IQGAP2: variants seen among roughly 807,000 people sequenced by gnomAD.
IQGAP2 encodes the protein ras GTPase-activating-like protein IQGAP2.
A neutral mutation model predicts 201.3 loss-of-function variants in IQGAP2; 173 were observed. The ratio of observed to expected loss-of-function variants is 0.86; its 90% CI spans 0.76 to 0.98. IQGAP2 has a LOEUF of 0.98. Ranked by LOEUF, IQGAP2 falls within the 50% of genes least tolerant of loss-of-function variation. IQGAP2 has a pLI of 0.00. For missense variants in IQGAP2, 1,687 were observed against 1,864.8 expected (o/e 0.90, Z 1.76); for synonymous variants, 675 against 673.9 (o/e 1.00, Z -0.03).
Position 76,667,877 on chromosome 5 carries a change from C to CTTTTTTTTT in IQGAP2, c.2680-789_2680-781dup, listed in dbSNP as rs540744402. Among the ~76,000 whole-genome samples, 150 of 123,388 alleles carry CTTTTTTTTT rather than the reference C, an allele frequency of 1.2e-3. 3 individuals carry two copies. The highest frequency in any genetic ancestry group is 1.8e-3 in the Non-Finnish European group (107 of 60,644). The allele number at this position is 123,388 out of a possible 152,430, so 80.9% of individuals were successfully genotyped here. ...TGTAGCCGGGCCCTTAGTCCACTTT[C>CTTTTTTTTT]TTTTTTTTTTTTTTTTTTTTTTTGA... On this transcript the variant is annotated intron_variant, in intron 22 of 35. Transcript: ENST00000274364.
At chr5:76,514,257 C>G (rs1416570378) in intron 2 of IQGAP2, among the ~76,000 whole-genome samples, 1 of 152,010 alleles carries the variant, frequency 6.6e-6, no homozygotes, top group Non-Finnish European at 1.5e-5. Flanking sequence ...CTCCTGACCT[C>G]AAGTGATCTA....
At chr5:76,674,456 T>G in intron 26 of IQGAP2, 21 bp from the exon 27 acceptor site, 2 of 1,463,418 alleles carry the variant, frequency 1.4e-6, no homozygotes, top group South Asian at 2.4e-5. Flanking sequence ...AAAATGGTCA[T>G]GCACTTCTGC....
At chr5:76,597,301 C>T in intron 9 of IQGAP2, 138 bp from the exon 10 acceptor site, 1 of 764,348 alleles carries the variant, frequency 1.3e-6, no homozygotes, top group Non-Finnish European at 2.1e-6. Flanking sequence ...CAAAGCCTTA[C>T]CTACCCTCTG....
intron 5 of IQGAP2, among the ~76,000 whole-genome samples, chr5:76,587,581 A>C (rs1746337506): frequency 6.6e-6 from 1 of 152,186 alleles, no homozygotes; most frequent in African/African-American, 2.4e-5. Flanking sequence ...TTTTCTGTGT[A>C]ATTTTTTAAA....
In IQGAP2 at chr5:76,619,514, C is replaced by CCTTTTTTTTTTT. The variant is rs1561518620; in HGVS notation, c.1522-7896_1522-7895insCTTTTTTTTTTT. ...CAGATCTAACTTAGTTAAGGATCTT[C>CCTTTTTTTTTTT]TTTTTTTTTTTTTTTTTTTTTTGAG... On this transcript the variant is annotated intron_variant, in intron 13 of 35. Transcript: ENST00000274364. Among the ~76,000 whole-genome samples the CCTTTTTTTTTTT allele has an allele frequency of 7.7e-5, 8 of 104,266 alleles. 2 individuals are homozygous for CCTTTTTTTTTTT. Among genetic ancestry groups the CCTTTTTTTTTTT allele is most frequent in the Non-Finnish European group, 7.6e-5 (4 of 52,746 alleles). The allele number at this position is 104,266 out of a possible 152,430, so 68.4% of individuals were successfully genotyped here. A position where few individuals can be genotyped will look rare whatever the true frequency, so the allele number is the denominator to read the frequency against.
rs1199550528 is a variant in IQGAP2 at position 76,707,111 on chromosome 5, C to T, written c.4615-89C>T. ...ACCCAGGTGATTAGGTCAATTGAAT[C>T]TGACTTTTGTCAACAAATTCTTCTA... On this transcript the variant is annotated intron_variant, in intron 35 of 35. Coordinates refer to ENST00000274364, the MANE Select transcript of IQGAP2 (RefSeq NM_006633.5). 5 of 723,800 alleles carry T rather than the reference C, an allele frequency of 6.9e-6. No individual in the cohort carries two copies. In the African/African-American group the frequency reaches 7.1e-5, roughly 10 times the overall value. The allele number at this position is 723,800 out of a possible 1,614,324, so 44.8% of individuals were successfully genotyped here.
chr5:76,623,364 G>T (rs144998296), intron 13 of IQGAP2: 6 of 1,000,314 alleles, frequency 6.0e-6, no homozygotes, highest in Middle Eastern at 2.7e-4. Context: ...CTCCTGTGCC[G>T]TGCAGGCAGG....
chr5:76,445,465 C>CTT (rs33993084), intron 1 of IQGAP2, among the ~76,000 whole-genome samples: 7 of 140,042 alleles, frequency 5.0e-5, no homozygotes, highest in Non-Finnish European at 6.3e-5. Context: ...CCGTTTTAAC[C>CTT]TTTTTTTTTT....
chr5:76,542,258 G>A (rs1281756012), intron 2 of IQGAP2, among the ~76,000 whole-genome samples: 1 of 152,218 alleles, frequency 6.6e-6, no homozygotes, highest in Admixed American at 6.5e-5. Flanking sequence ...ACTGTGCCCG[G>A]CCACTATTTT....
chr5:76,673,415 G>T, intron 24 of IQGAP2, 34 bp from the exon 25 acceptor site: 3 of 1,601,776 alleles, frequency 1.9e-6, no homozygotes, highest in Middle Eastern at 1.7e-4. Flanking sequence ...TTGTACCTAA[G>T]CCTCCAGTTA....
chr5:76,641,845 A>T (rs1024289122), intron 17 of IQGAP2, among the ~76,000 whole-genome samples: 9 of 152,112 alleles, frequency 5.9e-5, no homozygotes, highest in African/African-American at 2.2e-4. Context: ...TAAATTGAAC[A>T]TTTTTCTGTT....
rs145646862 is a variant in IQGAP2, at chr5:76,645,300, C to T, written c.2094+4197C>T. Among the ~76,000 whole-genome samples, 166 of 152,266 alleles carry T rather than the reference C, an allele frequency of 1.1e-3. 1 individual carries two copies. In the East Asian group the frequency reaches 0.024, roughly 22 times the overall value. ...TCCTTTGCTATTGTGAACAGCACTG[C>T]AGTAAACATACTTGTGCATGTGTCT... On this transcript the variant is annotated intron_variant, in intron 17 of 35. Coordinates refer to ENST00000274364, the MANE Select transcript of IQGAP2 (RefSeq NM_006633.5).
Position 76,671,837 on chromosome 5 carries a change from T to C in IQGAP2, c.2922T>C (p.Gly974=). Residue 974 remains glycine (G), a synonymous_variant, in exon 24 of 36, where the codon GGT becomes GGC. Coordinates refer to ENST00000274364, the MANE Select transcript of IQGAP2 (RefSeq NM_006633.5). Reference sequence around the variant, plus strand: ...AGATGGTCGTCAGCTTCAATAGAGGTGCCCGGGGACAGAACACCCTGCGCC... The same window carrying C: ...AGATGGTCGTCAGCTTCAATAGAGGCGCCCGGGGACAGAACACCCTGCGCC... ...VIKMVVSFNR[G]ARGQNTLRQL... is the part of the protein sequence containing the mutation. 1 of 1,613,788 alleles carries C rather than the reference T, an allele frequency of 6.2e-7. No individual in the cohort carries two copies. The highest frequency in any genetic ancestry group is 8.5e-7 in the Non-Finnish European group (1 of 1,179,936).
Position 76,406,977 on chromosome 5 carries a change from CATT to C in IQGAP2, c.46+3396_46+3398del, listed in dbSNP as rs528909678. Among the ~76,000 whole-genome samples, 17 of 152,066 alleles carry C rather than the reference CATT, an allele frequency of 1.1e-4. No homozygotes were observed. The East Asian group carries it at 1.5e-3, about 14-fold the overall frequency. On this transcript the variant is annotated intron_variant, in intron 1 of 35. Transcript: ENST00000274364. ...GAAGTTGAGAAAGATTCTGGTTGAG[CATT>C]ATTATTATTTTTTTTTTAGGCAGTA...
In IQGAP2 at chr5:76,495,772, G is replaced by A. The variant is rs142904732; in HGVS notation, c.146+34103G>A. Among the ~76,000 whole-genome samples, 430 of 152,272 alleles carry A rather than the reference G, an allele frequency of 2.8e-3. 1 individual carries two copies. The highest frequency in any genetic ancestry group is 0.017 in the Middle Eastern group (5 of 294). On this transcript the variant is annotated intron_variant, in intron 2 of 35. Coordinates refer to ENST00000274364, the MANE Select transcript of IQGAP2 (RefSeq NM_006633.5). Reference sequence around the variant, plus strand: ...TGGCAGGAGAGGGAGAGAGAAGGGGGAGGTCCCAGCTCAAACAACCAGATC... The same window carrying A: ...TGGCAGGAGAGGGAGAGAGAAGGGGAAGGTCCCAGCTCAAACAACCAGATC...
intron 2 of IQGAP2, among the ~76,000 whole-genome samples, chr5:76,541,847 C>T (rs1742796937): frequency 6.6e-6 from 1 of 152,206 alleles, no homozygotes; most frequent in South Asian, 2.1e-4. Flanking sequence ...GAGCAGCTTT[C>T]CCCCGCTATA....
chr5:76,706,191 G>A (rs1040281385), intron 35 of IQGAP2, among the ~76,000 whole-genome samples: 19 of 151,968 alleles, frequency 1.3e-4, no homozygotes, highest in African/African-American at 3.6e-4. Context: ...ACTCTAAAAC[G>A]TGCTGTATTA....
Position 76,673,545 on chromosome 5 carries a change from C to T in IQGAP2, c.3165C>T (p.Thr1055=), listed in dbSNP as rs143869334. Reference sequence around the variant, plus strand: ...CCATTGAGAACCTGAGAAGGGTCACCGACAAAGTCCTGAATTCTATCATTT... The same window carrying T: ...CCATTGAGAACCTGAGAAGGGTCACTGACAAAGTCCTGAATTCTATCATTT... The part of the protein sequence containing the change: ...EASIENLRRV[T]DKVLNSIISS... The change falls in exon 25 of 36, where the codon ACC becomes ACT. Residue 1055 remains threonine, a synonymous_variant. Transcript: ENST00000274364. 5.3e-5 allele frequency: 85 copies of T among 1,613,846 alleles called. No homozygotes were observed. Among genetic ancestry groups the T allele is most frequent in the Admixed American group, 6.7e-5 (4 of 59,980 alleles).
At chr5:76,470,623 C>G (rs1466643174) in intron 2 of IQGAP2, among the ~76,000 whole-genome samples, 1 of 152,114 alleles carries the variant, frequency 6.6e-6, no homozygotes, top group African/African-American at 2.4e-5. Context: ...GTTGCCCAGG[C>G]TGGATTCAAA....
Sources: allele counts gnomAD v4.1 joint callset (sites outside exome capture counted in the v4.1 genomes callset), GRCh38; gene constraint gnomAD v4.1.1; transcripts MANE v1.5; gene names NCBI Gene and HGNC (gene_info 2026-07-23, HGNC 2026-07-21).